Variants in FOXP2 observed in about 807,000 individuals in gnomAD.
FOXP2 encodes forkhead box P2, also known as forkhead box protein P2.
Under a neutral mutation model 115.8 loss-of-function variants are expected in FOXP2, and 12 were observed. That is an observed-to-expected ratio of 0.10 (90% confidence interval 0.07 to 0.17). The LOEUF (loss-of-function observed/expected upper bound fraction) is 0.17. Among genes scored for constraint, FOXP2 ranks in the 10% least tolerant of loss-of-function variants. The pLI is 1.00. For synonymous variants in FOXP2, 328 were observed against 297.7 expected (o/e 1.10, Z -1.05); for missense variants, 629 against 843.5 (o/e 0.75, Z 3.15).
chr7:114,268,668 ACT>A (rs1215942184), intron 1 of FOXP2, among the ~76,000 whole-genome samples: 1 of 148,716 alleles, frequency 6.7e-6, no homozygotes, highest in Non-Finnish European at 1.5e-5. Context: ...GCTACTACTC[ACT>A]CTGACGATTG....
intron 4 of FOXP2, 174 bp downstream of exon 4, chr7:114,628,851 T>A: frequency 4.0e-6 from 3 of 750,034 alleles, no homozygotes; most frequent in Non-Finnish European, 6.3e-6. Context: ...AAATCTAGAT[T>A]GCTTATTTTT....
chr7:114,440,072 T>C (rs1794533490), intron 2 of FOXP2, among the ~76,000 whole-genome samples: 1 of 152,168 alleles, frequency 6.6e-6, no homozygotes, highest in South Asian at 2.1e-4. Flanking sequence ...ATAATTTTAA[T>C]ACATTAATAT....
chr7:114,270,032 T>C (rs570630988), intron 1 of FOXP2, among the ~76,000 whole-genome samples: 2 of 152,306 alleles, frequency 1.3e-5, no homozygotes, highest in South Asian at 2.1e-4. Context: ...GCTCAACTTT[T>C]AGAAAACAAA....
intron 2 of FOXP2, among the ~76,000 whole-genome samples, chr7:114,385,639 G>T (rs1040632397): frequency 6.6e-6 from 1 of 152,176 alleles, no homozygotes; most frequent in African/African-American, 2.4e-5. Context: ...TAAGTTCGGC[G>T]ACCATGCTAA....
chr7:114,229,571 A>C (rs1794822925), intron 1 of FOXP2, among the ~76,000 whole-genome samples: 1 of 151,772 alleles, frequency 6.6e-6, no homozygotes, highest in Admixed American at 6.6e-5. Context: ...TCATTATGAA[A>C]CTAGAAATCA....
At chr7:114,285,948 A>T (rs1167687557) in intron 1 of FOXP2, among the ~76,000 whole-genome samples, 1 of 151,972 alleles carries the variant, frequency 6.6e-6, no homozygotes, top group Non-Finnish European at 1.5e-5. Context: ...AGCAAAATCA[A>T]TTAATTTTAT....
chr7:114,379,189 G>C (rs898583682), intron 2 of FOXP2, among the ~76,000 whole-genome samples: 3 of 152,108 alleles, frequency 2.0e-5, no homozygotes, highest in Admixed American at 6.5e-5. Context: ...CGAATGCCTG[G>C]GTTTATGTCC....
At chr7:114,143,693 A>G (rs1584504750) in intron 1 of FOXP2, among the ~76,000 whole-genome samples, 4 of 152,348 alleles carry the variant, frequency 2.6e-5, no homozygotes, top group East Asian at 3.9e-4. Context: ...TTGGTAAAGT[A>G]ATTCACTCAG....
chr7:114,678,742 C>G (rs1323245334), intron 16 of FOXP2, among the ~76,000 whole-genome samples: 3 of 151,968 alleles, frequency 2.0e-5, no homozygotes, highest in Non-Finnish European at 4.4e-5. Flanking sequence ...GCACCTTAAT[C>G]ACAGAGAAGA....
At chr7:114,113,450 T>C (rs1396416132) in intron 1 of FOXP2, among the ~76,000 whole-genome samples, 1 of 152,204 alleles carries the variant, frequency 6.6e-6, no homozygotes, top group Non-Finnish European at 1.5e-5. Context: ...TGTGCCATTA[T>C]AGCTCACTGC....
At chr7:114,211,949 T>C (rs1451213978) in intron 1 of FOXP2, among the ~76,000 whole-genome samples, 1 of 152,014 alleles carries the variant, frequency 6.6e-6, no homozygotes, top group Non-Finnish European at 1.5e-5. Flanking sequence ...GGTGGGTGTC[T>C]GTAATCCCAG....
intron 2 of FOXP2, among the ~76,000 whole-genome samples, chr7:114,340,823 A>G (rs1361624831): frequency 6.6e-6 from 1 of 151,168 alleles, no homozygotes; most frequent in East Asian, 1.9e-4. Context: ...TCTTGTAAAA[A>G]TCAGTGTAAC....
Position 114,517,706 on chromosome 7 carries a change from C to T in FOXP2, c.169-16911C>T, listed in dbSNP as rs191615307. ...TTTGTGTCTGTTTTTATGCCAGTAT[C>T]ATGCTGTTTTCATTGCTATAGCTTC... On this transcript the variant is annotated intron_variant, in intron 2 of 16. Coordinates refer to ENST00000350908, the MANE Select transcript of FOXP2 (RefSeq NM_014491.4). Among the ~76,000 whole-genome samples, 8 of 152,242 alleles carry T rather than the reference C, an allele frequency of 5.3e-5. No individual in the cohort carries two copies. In the East Asian group the frequency reaches 1.5e-3, roughly 29 times the overall value.
At chr7:114,472,628 G>A (rs985305975) in intron 2 of FOXP2, among the ~76,000 whole-genome samples, 1 of 152,106 alleles carries the variant, frequency 6.6e-6, no homozygotes, top group African/African-American at 2.4e-5. Flanking sequence ...GTTTACAAAC[G>A]TGAGCCATCG....
At chr7:114,455,276 A>C (rs547734926) in intron 2 of FOXP2, among the ~76,000 whole-genome samples, 5 of 152,214 alleles carry the variant, frequency 3.3e-5, no homozygotes, top group Non-Finnish European at 5.9e-5. Flanking sequence ...TAATGAAGCC[A>C]ACTGTTGGTC....
intron 2 of FOXP2, chr7:114,498,914 G>A (rs781572879): frequency 3.1e-5 from 22 of 717,836 alleles, no homozygotes; most frequent in Non-Finnish European, 4.9e-5. Flanking sequence ...CAGGTTATTT[G>A]TTAAAGTCTT....
chr7:114,247,541 T>C (rs1277891507), intron 1 of FOXP2, among the ~76,000 whole-genome samples: 1 of 152,214 alleles, frequency 6.6e-6, no homozygotes, highest in Non-Finnish European at 1.5e-5. Flanking sequence ...TCACAATTTC[T>C]ATTTAGTAGT....
At chr7:114,231,285 TATC>T (rs914422459) in intron 1 of FOXP2, among the ~76,000 whole-genome samples, 1 of 152,092 alleles carries the variant, frequency 6.6e-6, no homozygotes, top group African/African-American at 2.4e-5. Context: ...AATGTTAAAA[TATC>T]AACACCACCC....
At chr7:114,178,038 G>T (rs891979222) in intron 1 of FOXP2, among the ~76,000 whole-genome samples, 6 of 151,674 alleles carry the variant, frequency 4.0e-5, no homozygotes, top group Admixed American at 2.0e-4. Context: ...GTGGTATTTT[G>T]GTTTTATTAT....
Sources: gnomAD v4.1 joint callset for allele counts (sites outside exome capture counted in the v4.1 genomes callset) on GRCh38, gnomAD v4.1.1 for gene constraint, MANE v1.5 for transcripts, NCBI Gene and HGNC (gene_info 2026-07-23, HGNC 2026-07-21) for gene names.